Variants in ADAMTS6 observed in about 807,000 individuals in gnomAD.
ADAMTS6 encodes A disintegrin and metalloproteinase with thrombospondin motifs 6.
ADAMTS6 carries 23 observed loss-of-function variants against 144.3 expected under a neutral mutation model. The observed-to-expected ratio is 0.16, with a 90% CI of 0.11 to 0.23. The LOEUF is 0.23. ADAMTS6 is among the 10% of genes least tolerant of loss of function. The pLI is 1.00. For missense variants in ADAMTS6, 999 were observed against 1,379.6 expected (o/e 0.72, Z 4.37); for synonymous variants, 444 against 457.5 (o/e 0.97, Z 0.38).
At chr5:65,175,263 A>G (rs1376172611) in intron 22 of ADAMTS6, among the ~76,000 whole-genome samples, 1 of 149,882 alleles carries the variant, frequency 6.7e-6, no homozygotes, top group Non-Finnish European at 1.5e-5. Flanking sequence ...GGAGTCAAGG[A>G]GAGAGAGAGA....
At chr5:65,268,547 G>A (rs941462696) in intron 12 of ADAMTS6, among the ~76,000 whole-genome samples, 5 of 152,062 alleles carry the variant, frequency 3.3e-5, no homozygotes, top group African/African-American at 1.2e-4. Context: ...CAGTACCAGC[G>A]CACCGTCTGG....
chr5:65,406,659 C>T (rs1191692346), intron 7 of ADAMTS6, among the ~76,000 whole-genome samples: 2 of 152,068 alleles, frequency 1.3e-5, no homozygotes, highest in African/African-American at 4.8e-5. Context: ...ATACTGGCCT[C>T]ATAAAATGAG....
At chr5:65,168,823 G>A (rs1240151373) in intron 24 of ADAMTS6, among the ~76,000 whole-genome samples, 1 of 146,758 alleles carries the variant, frequency 6.8e-6, no homozygotes. Context: ...GGGAAAACTG[G>A]CTAGCCATAT....
chr5:65,472,395 G>A (rs1163243866), intron 2 of ADAMTS6, among the ~76,000 whole-genome samples: 1 of 152,010 alleles, frequency 6.6e-6, no homozygotes, highest in Non-Finnish European at 1.5e-5. Flanking sequence ...AAAATAAGAT[G>A]AAATAAAATA....
chr5:65,388,377 T>C lies in ADAMTS6; in HGVS notation c.1074-54292A>G, dbSNP rs193171078. Reference sequence around the variant, plus strand: ...ACTGAAACTTCTGATGAGGTTCTGATGAGGTACAGGGGATGAAGTTATAAC... The same window carrying C: ...ACTGAAACTTCTGATGAGGTTCTGACGAGGTACAGGGGATGAAGTTATAAC... On this transcript the variant is annotated intron_variant, in intron 7 of 24. Coordinates refer to ENST00000381055, the MANE Select transcript of ADAMTS6 (RefSeq NM_197941.4). 9.1e-4 allele frequency among the ~76,000 whole-genome samples: 139 copies of C among 152,298 alleles called. 2 individuals carry two copies. Among genetic ancestry groups the C allele is most frequent in the Admixed American group, 3.1e-3 (47 of 15,300 alleles).
At chr5:65,197,233 A>T (rs1054292767) in intron 20 of ADAMTS6, 82 bp from the exon 21 acceptor site, 20 of 1,446,130 alleles carry the variant, frequency 1.4e-5, no homozygotes, top group Non-Finnish European at 1.9e-5. Context: ...CTCTGTGGGG[A>T]ATTGACCTCA....
intron 7 of ADAMTS6, among the ~76,000 whole-genome samples, chr5:65,421,965 C>T (rs935536714): frequency 6.6e-6 from 1 of 152,044 alleles, no homozygotes; most frequent in South Asian, 2.1e-4. Context: ...ATAAATGGGA[C>T]CTTGTTAAAA....
chr5:65,356,385 C>T (rs1019322368), intron 7 of ADAMTS6, among the ~76,000 whole-genome samples: 46 of 151,806 alleles, frequency 3.0e-4, no homozygotes, highest in African/African-American at 1.1e-3. Context: ...AGAACTCCAT[C>T]CTGGTTCTGG....
intron 7 of ADAMTS6, among the ~76,000 whole-genome samples, chr5:65,431,527 A>G (rs1265775130): frequency 6.6e-6 from 1 of 152,194 alleles, no homozygotes; most frequent in Non-Finnish European, 1.5e-5. Flanking sequence ...AGACAGGACC[A>G]AAGATATGAG....
chr5:65,450,869 G>T (rs1758685593), intron 7 of ADAMTS6, among the ~76,000 whole-genome samples: 2 of 152,076 alleles, frequency 1.3e-5, no homozygotes, highest in Admixed American at 6.5e-5. Context: ...AAACAGTTTT[G>T]TAAAACTGGA....
intron 7 of ADAMTS6, among the ~76,000 whole-genome samples, chr5:65,406,080 T>A (rs1274867836): frequency 2.0e-5 from 3 of 152,168 alleles, no homozygotes; most frequent in Non-Finnish European, 4.4e-5. Context: ...TATACAATCA[T>A]GTCATCTGCA....
At chr5:65,336,768 C>T (rs1390022642) in intron 7 of ADAMTS6, among the ~76,000 whole-genome samples, 1 of 151,994 alleles carries the variant, frequency 6.6e-6, no homozygotes, top group Non-Finnish European at 1.5e-5. Flanking sequence ...TCTAAAACTT[C>T]CCTTCATTAT....
chr5:65,420,333 C>T (rs1181605535), intron 7 of ADAMTS6, among the ~76,000 whole-genome samples: 3 of 152,100 alleles, frequency 2.0e-5, no homozygotes, highest in Non-Finnish European at 1.5e-5. Context: ...ATACTGAAAC[C>T]ACTGAATTGT....
In ADAMTS6 at chr5:65,348,251, T is replaced by C. The variant is rs147647478; in HGVS notation, c.1074-14166A>G. On this transcript the variant is annotated intron_variant, in intron 7 of 24. Transcript: ENST00000381055. ...AATTCACAGTAGCTAAGACATGAAATCAATCTCTGTCTATCTACAACGAAT... is the reference window on the plus strand; with the variant it reads ...AATTCACAGTAGCTAAGACATGAAACCAATCTCTGTCTATCTACAACGAAT... Among the ~76,000 whole-genome samples, 29 of 152,226 alleles carry C rather than the reference T, an allele frequency of 1.9e-4. 2 individuals are homozygous for C. The highest frequency in any genetic ancestry group is 7.0e-4 in the African/African-American group (29 of 41,568).
chr5:65,237,753 A>T (rs924687070), intron 15 of ADAMTS6, among the ~76,000 whole-genome samples: 3 of 152,154 alleles, frequency 2.0e-5, no homozygotes, highest in Non-Finnish European at 4.4e-5. Context: ...ACACATAAAA[A>T]AATACATCAT....
rs140610753 is a variant in ADAMTS6, at chr5:65,224,973, G to A, written c.2142C>T (p.Ser714=). The A allele has an allele frequency of 3.3e-5, 53 of 1,614,010 alleles. 1 individual carries two copies. In the African/African-American group the frequency reaches 6.3e-4, roughly 19 times the overall value. ...DRCRVCGGDG[S]TCDAIEGFFN... Reference sequence around the variant, plus strand: ...AGAACCCTTCAATGGCATCACATGTGCTTCCGTCCCCTCCACAGACTCGAC... The same window carrying A: ...AGAACCCTTCAATGGCATCACATGTACTTCCGTCCCCTCCACAGACTCGAC... The change falls in exon 17 of 25, where the codon AGC becomes AGT. Residue 714 remains serine, a synonymous_variant. Coordinates refer to ENST00000381055, the MANE Select transcript of ADAMTS6 (RefSeq NM_197941.4).
At chr5:65,310,683 A>G (rs1487949655) in intron 9 of ADAMTS6, among the ~76,000 whole-genome samples, 1 of 152,256 alleles carries the variant, frequency 6.6e-6, no homozygotes, top group Non-Finnish European at 1.5e-5. Flanking sequence ...TTAGCAATTT[A>G]GCAGAATGAA....
At chr5:65,263,670 A>G (rs968525218) in intron 12 of ADAMTS6, among the ~76,000 whole-genome samples, 1 of 152,212 alleles carries the variant, frequency 6.6e-6, no homozygotes, top group Non-Finnish European at 1.5e-5. Flanking sequence ...GGAATAATTT[A>G]TTGAGACACA....
At chr5:65,219,519 C>T (rs1163244771) in intron 18 of ADAMTS6, among the ~76,000 whole-genome samples, 1 of 152,208 alleles carries the variant, frequency 6.6e-6, no homozygotes, top group East Asian at 1.9e-4. Context: ...CATGCAAACA[C>T]TGATCAGAAG....
Sources: allele counts gnomAD v4.1 joint callset (sites outside exome capture counted in the v4.1 genomes callset), GRCh38; gene constraint gnomAD v4.1.1; transcripts MANE v1.5; gene names NCBI Gene and HGNC (gene_info 2026-07-23, HGNC 2026-07-21).